MAGI3: variants seen among roughly 807,000 people sequenced by gnomAD.
The protein encoded by MAGI3 is membrane-associated guanylate kinase, WW and PDZ domain-containing protein 3.
MAGI3 carries 43 observed loss-of-function variants against 121.8 expected under a neutral mutation model. The ratio of observed to expected loss-of-function variants is 0.35; its 90% CI spans 0.28 to 0.46. The LOEUF is 0.46. Among genes scored for constraint, MAGI3 ranks in the 20% least tolerant of loss-of-function variants. MAGI3 has a pLI of 1.00. For synonymous variants in MAGI3, 553 were observed against 639.3 expected, an observed-to-expected ratio of 0.86 and a Z score of 2.04; for missense variants, 1,547 against 1,797.3, an observed-to-expected ratio of 0.86 and a Z score of 2.52.
intron 1 of MAGI3, among the ~76,000 whole-genome samples, chr1:113,476,677 G>A (rs112431309): frequency 1.5e-4 from 23 of 152,326 alleles, no homozygotes; most frequent in African/African-American, 5.1e-4. Flanking sequence ...GTGATGTGGT[G>A]CTAACAAGAA....
At chr1:113,570,435 T>C (rs986826383) in intron 2 of MAGI3, among the ~76,000 whole-genome samples, 1 of 152,206 alleles carries the variant, frequency 6.6e-6, no homozygotes, top group African/African-American at 2.4e-5. Context: ...TCAAATGGTA[T>C]TTCTAGTTCT....
chr1:113,679,468 GGT>G (rs1256589921), intron 19 of MAGI3, among the ~76,000 whole-genome samples: 1 of 151,996 alleles, frequency 6.6e-6, no homozygotes, highest in African/African-American at 2.4e-5. Flanking sequence ...AGTATTCTAT[GGT>G]GTGTATATAC....
chr1:113,532,892 T>C (rs1316552384), intron 1 of MAGI3, among the ~76,000 whole-genome samples: 1 of 152,234 alleles, frequency 6.6e-6, no homozygotes, highest in Non-Finnish European at 1.5e-5. Context: ...TAGTGCTTAC[T>C]TGAACTTACA....
Position 113,511,715 on chromosome 1 carries a change from C to T in MAGI3, c.317-37800C>T, listed in dbSNP as rs544779475. On this transcript the variant is annotated intron_variant, in intron 1 of 20. Transcript: ENST00000307546. Reference sequence around the variant, plus strand: ...TCCTTGTACAATTAAAAGATTGGGTCAGATCATCTGGCAGATTTCTTATTG... The same window carrying T: ...TCCTTGTACAATTAAAAGATTGGGTTAGATCATCTGGCAGATTTCTTATTG... 1.4e-4 allele frequency among the ~76,000 whole-genome samples: 21 copies of T among 152,258 alleles called. 2 individuals carry two copies. The South Asian group carries it at 4.4e-3, about 32-fold the overall frequency.
At chr1:113,670,890 A>G (rs187784693) in intron 16 of MAGI3, among the ~76,000 whole-genome samples, 1 of 152,240 alleles carries the variant, frequency 6.6e-6, no homozygotes, top group African/African-American at 2.4e-5. Flanking sequence ...CTCAGAGTTC[A>G]TGGTCTTAAT....
At chr1:113,583,406 C>T (rs987880973) in intron 3 of MAGI3, among the ~76,000 whole-genome samples, 1 of 151,900 alleles carries the variant, frequency 6.6e-6, no homozygotes. Flanking sequence ...AAAATCTTTT[C>T]AGTGATTATG....
At chr1:113,398,089 G>A (rs561885630) in intron 1 of MAGI3, among the ~76,000 whole-genome samples, 1 of 152,160 alleles carries the variant, frequency 6.6e-6, no homozygotes, top group South Asian at 2.1e-4. Flanking sequence ...TGGTTTCCAG[G>A]AGCAACCCAC....
At chr1:113,677,077 T>C (rs1324603670) in intron 19 of MAGI3, among the ~76,000 whole-genome samples, 1 of 152,144 alleles carries the variant, frequency 6.6e-6, no homozygotes, top group Non-Finnish European at 1.5e-5. Context: ...GTAACATAGA[T>C]GGAAGGATAT....
chr1:113,404,814 A>G (rs539647092), intron 1 of MAGI3, among the ~76,000 whole-genome samples: 1 of 152,240 alleles, frequency 6.6e-6, no homozygotes, highest in South Asian at 2.1e-4. Flanking sequence ...GAAGGGCCAC[A>G]AAACTCTTCA....
chr1:113,636,757 A>G (rs947711827), intron 9 of MAGI3, among the ~76,000 whole-genome samples: 33 of 151,868 alleles, frequency 2.2e-4, no homozygotes, highest in Admixed American at 4.6e-4. Flanking sequence ...CTTGGTGCAG[A>G]GCTGAGTTCA....
chr1:113,478,795 G>A (rs1420288723), intron 1 of MAGI3, among the ~76,000 whole-genome samples: 1 of 152,218 alleles, frequency 6.6e-6, no homozygotes, highest in African/African-American at 2.4e-5. Context: ...GTCAGACAGG[G>A]ACATTTAAGT....
At chr1:113,602,348 G>A (rs1014902446) in intron 6 of MAGI3, among the ~76,000 whole-genome samples, 4 of 152,122 alleles carry the variant, frequency 2.6e-5, no homozygotes, top group African/African-American at 4.8e-5. Flanking sequence ...AAATTAAACA[G>A]TCTGCTCCTA....
intron 1 of MAGI3, among the ~76,000 whole-genome samples, chr1:113,484,791 C>T (rs1158727681): frequency 1.3e-5 from 2 of 148,526 alleles, no homozygotes; most frequent in Non-Finnish European, 1.5e-5. Flanking sequence ...GCAGCATGAT[C>T]TTGTCTCCCT....
intron 1 of MAGI3, among the ~76,000 whole-genome samples, chr1:113,505,553 AATAT>A (rs1553193303): frequency 0.017 from 2,508 of 148,648 alleles, 71 homozygotes; most frequent in African/African-American, 0.059. Context: ...TAAATAAATA[AATAT>A]ATAATGTCAG....
In MAGI3 at chr1:113,430,456, A is replaced by T. The variant is rs115620352; in HGVS notation, c.316+39107A>T. On this transcript the variant is annotated intron_variant, in intron 1 of 20. Coordinates refer to ENST00000307546, the MANE Select transcript of MAGI3 (RefSeq NM_001142782.2). Reference sequence around the variant, plus strand: ...TGTCTGAGTAATATTATACAAAGTCATATATGGCATTTGGCTTTGTGACTT... The same window carrying T: ...TGTCTGAGTAATATTATACAAAGTCTTATATGGCATTTGGCTTTGTGACTT... Among the ~76,000 whole-genome samples the T allele has an allele frequency of 2.0e-3, 312 of 152,332 alleles. 1 individual carries two copies. The highest frequency in any genetic ancestry group is 7.2e-3 in the African/African-American group (300 of 41,572).
At chr1:113,414,658 C>A (rs183958115) in intron 1 of MAGI3, among the ~76,000 whole-genome samples, 2 of 151,808 alleles carry the variant, frequency 1.3e-5, no homozygotes, top group South Asian at 4.2e-4. Flanking sequence ...AGTTTATTTG[C>A]GTACAGGTGT....
At chr1:113,556,520 A>G (rs1659998697) in intron 2 of MAGI3, among the ~76,000 whole-genome samples, 1 of 148,304 alleles carries the variant, frequency 6.7e-6, no homozygotes. Flanking sequence ...TGAAAATCCT[A>G]TAGATGTTAA....
intron 1 of MAGI3, among the ~76,000 whole-genome samples, chr1:113,451,713 A>G (rs1654494766): frequency 6.6e-6 from 1 of 152,206 alleles, no homozygotes; most frequent in African/African-American, 2.4e-5. Context: ...TAAGAAGAGA[A>G]AATAATCCCA....
At chr1:113,592,667 C>G (rs1166970392) in intron 5 of MAGI3, among the ~76,000 whole-genome samples, 1 of 152,044 alleles carries the variant, frequency 6.6e-6, no homozygotes, top group Non-Finnish European at 1.5e-5. Flanking sequence ...TATAGACTTT[C>G]TAGAGATAAT....
Sources: gnomAD v4.1 joint callset for allele counts (sites outside exome capture counted in the v4.1 genomes callset) on GRCh38, gnomAD v4.1.1 for gene constraint, MANE v1.5 for transcripts, NCBI Gene and HGNC (gene_info 2026-07-23, HGNC 2026-07-21) for gene names.